GATB: variants seen among roughly 807,000 people sequenced by gnomAD.
GATB encodes the protein glutamyl-tRNA amidotransferase subunit B.
A neutral mutation model predicts 62.3 loss-of-function variants in GATB; 39 were observed. The ratio of observed to expected loss-of-function variants is 0.63; its 90% CI spans 0.48 to 0.82. The LOEUF (loss-of-function observed/expected upper bound fraction) is 0.82, where lower values mean the gene tolerates loss of function less well. GATB is among the 40% of genes least tolerant of loss of function. The pLI is 0.00. For synonymous variants in GATB, 276 were observed against 258.9 expected, an observed-to-expected ratio of 1.07 and a Z score of -0.63; for missense variants, 670 against 684.0, an observed-to-expected ratio of 0.98 and a Z score of 0.23.
intron 9 of GATB, among the ~76,000 whole-genome samples, chr4:151,696,435 A>G (rs555702891): frequency 1.7e-3 from 262 of 152,356 alleles, no homozygotes; most frequent in Non-Finnish European, 2.8e-3. Context: ...GTGACTCCAA[A>G]CATCAATTAA....
chr4:151,758,696 A>C, intron 2 of GATB, 76 bp downstream of exon 2: 1 of 1,215,870 alleles, frequency 8.2e-7, no homozygotes, highest in Non-Finnish European at 1.1e-6. Flanking sequence ...TATTATTAAA[A>C]CAAGAAAATA....
rs1327273727 is a variant in GATB at position 151,730,374 on chromosome 4, T to A, written c.328-10836A>T. 1.3e-5 allele frequency among the ~76,000 whole-genome samples: 2 copies of A among 152,178 alleles called. No homozygotes were observed. Among genetic ancestry groups the A allele is most frequent in the Non-Finnish European group, 2.9e-5 (2 of 68,028 alleles). On this transcript the variant is annotated intron_variant, in intron 2 of 12. Coordinates refer to ENST00000263985, the MANE Select transcript of GATB (RefSeq NM_004564.3). This position sits in a 1 kb window ranked among gnomAD's most constrained non-coding sequence, Gnocchi z 4.1. ...ACAGAAGACGAAGGACATACAATCT[T>A]GGGAGTTCTAGGGCCCCGCCCACCA...
intron 2 of GATB, among the ~76,000 whole-genome samples, chr4:151,728,734 A>G (rs1329798909): frequency 6.6e-6 from 1 of 152,224 alleles, no homozygotes; most frequent in African/African-American, 2.4e-5. Context: ...CATTAATTTC[A>G]TGACTGAAAA....
chr4:151,727,035 G>A lies in GATB; in HGVS notation c.328-7497C>T, dbSNP rs1189261865. 3.9e-5 allele frequency among the ~76,000 whole-genome samples: 6 copies of A among 152,166 alleles called. No individual in the cohort carries two copies. The South Asian group carries it at 6.2e-4, about 16-fold the overall frequency. On this transcript the variant is annotated intron_variant, in intron 2 of 12. Coordinates refer to ENST00000263985, the MANE Select transcript of GATB (RefSeq NM_004564.3). ...AGGCTCAGGGGATACTCCCACTTTCGCCTCCCGAATAGCTGGGACCACAGG... is the reference window on the plus strand; with the variant it reads ...AGGCTCAGGGGATACTCCCACTTTCACCTCCCGAATAGCTGGGACCACAGG...
chr4:151,732,142 TG>T (rs1244203841), intron 2 of GATB, among the ~76,000 whole-genome samples: 1 of 148,778 alleles, frequency 6.7e-6, no homozygotes, highest in South Asian at 2.2e-4. Flanking sequence ...GTCCAGGAGG[TG>T]GGGGGCGCCT....
rs1553967155 is a variant in GATB at position 151,697,967 on chromosome 4, A to ATGTGTG, written c.1197+3361_1197+3362insCACACA. 2.1e-4 allele frequency among the ~76,000 whole-genome samples: 21 copies of ATGTGTG among 101,792 alleles called. 1 individual carries two copies. The highest frequency in any genetic ancestry group is 8.3e-4 in the South Asian group (2 of 2,402). The allele number at this position is 101,792 out of a possible 152,430, so 66.8% of individuals were successfully genotyped here. A position where few individuals can be genotyped will look rare whatever the true frequency, so the allele number is the denominator to read the frequency against. ...TGTGTGTGTGTGTATATATATATAT[A>ATGTGTG]TATATATATATATATATATATATAT... On this transcript the variant is annotated intron_variant, in intron 9 of 12. Transcript: ENST00000263985.
rs369407810 is a variant in GATB, at chr4:151,701,292, T to C, written c.1197+37A>G. On this transcript the variant is annotated intron_variant, in intron 9 of 12. Transcript: ENST00000263985. ...CTCTGAAGGGCACTGCCCCATCTGCTGAGCCGGGATCCTCTTGGCATCCGA... is the reference window on the plus strand; with the variant it reads ...CTCTGAAGGGCACTGCCCCATCTGCCGAGCCGGGATCCTCTTGGCATCCGA... 2.5e-5 allele frequency: 37 copies of C among 1,473,034 alleles called. No homozygotes were observed. In the African/African-American group the frequency reaches 5.1e-4, roughly 20 times the overall value. 91.2% of individuals were successfully genotyped at this position (1,473,034 alleles called of 1,614,324 possible). A position where few individuals can be genotyped will look rare whatever the true frequency, so the allele number is the denominator to read the frequency against.
At chr4:151,754,537 C>T (rs903035447) in intron 2 of GATB, among the ~76,000 whole-genome samples, 4 of 152,164 alleles carry the variant, frequency 2.6e-5, no homozygotes, top group African/African-American at 9.7e-5. Context: ...GCTAGCATAA[C>T]GTGGGCATCC....
chr4:151,749,843 C>T (rs1397398977), intron 2 of GATB, among the ~76,000 whole-genome samples: 1 of 151,872 alleles, frequency 6.6e-6, no homozygotes, highest in Non-Finnish European at 1.5e-5. Context: ...TCAACAATTC[C>T]CTCCCCCTTA....
At chr4:151,716,212 A>G (rs1358525552) in intron 4 of GATB, 81 bp from the exon 5 acceptor site, 4 of 1,480,272 alleles carry the variant, frequency 2.7e-6, no homozygotes, top group Non-Finnish European at 3.6e-6. Flanking sequence ...TTTCAGGAAA[A>G]CCCTGCCTTA....
intron 2 of GATB, among the ~76,000 whole-genome samples, chr4:151,734,987 T>C (rs1254702046): frequency 6.6e-6 from 1 of 152,048 alleles, no homozygotes; most frequent in African/African-American, 2.4e-5. Context: ...TTCTAGAAGA[T>C]AACATTTGAA....
rs541893668 is a variant in GATB at position 151,742,479 on chromosome 4, C to A, written c.327+16293G>T. ...CATTCTGAGTCACCCATATTCACAG[C>A]CTTTGTTTCATCCCCTCCCTTCTAT... On this transcript the variant is annotated intron_variant, in intron 2 of 12. Transcript: ENST00000263985. Among the ~76,000 whole-genome samples, 12 of 152,274 alleles carry A rather than the reference C, an allele frequency of 7.9e-5. No individual in the cohort carries two copies. The East Asian group carries it at 1.9e-3, about 24-fold the overall frequency.
At chr4:151,697,689 G>T (rs1665819950) in intron 9 of GATB, among the ~76,000 whole-genome samples, 1 of 148,148 alleles carries the variant, frequency 6.8e-6, no homozygotes, top group Non-Finnish European at 1.5e-5. Flanking sequence ...ATATAGAAAA[G>T]CTAACATTGC....
intron 5 of GATB, among the ~76,000 whole-genome samples, chr4:151,711,680 G>A (rs1738820556): frequency 6.6e-6 from 1 of 152,178 alleles, no homozygotes; most frequent in Non-Finnish European, 1.5e-5. Flanking sequence ...GGCATTTGTT[G>A]CTGTAATTAG....
intron 9 of GATB, among the ~76,000 whole-genome samples, chr4:151,697,969 A>ATATATATATATGTG (rs1738518049): frequency 2.9e-5 from 3 of 102,476 alleles, no homozygotes; most frequent in African/African-American, 1.5e-4. Flanking sequence ...ATATATATAT[A>ATATATATATATGTG]TATATATATA....
At chr4:151,676,343 G>A (rs1392328586) in intron 11 of GATB, 2 of 152,344 alleles carry the variant, frequency 1.3e-5, no homozygotes, top group African/African-American at 4.8e-5. Context: ...TGTTAAACGC[G>A]ATTTCCATCT....
intron 2 of GATB, among the ~76,000 whole-genome samples, chr4:151,731,966 G>T (rs1319022051): frequency 8.8e-6 from 1 of 113,704 alleles, no homozygotes; most frequent in Non-Finnish European, 1.9e-5. Flanking sequence ...GAAGTGGGGG[G>T]TCAGCCCCTG....
At chr4:151,718,915 T>TG (rs1195575418) in intron 3 of GATB, among the ~76,000 whole-genome samples, 4 of 152,248 alleles carry the variant, frequency 2.6e-5, no homozygotes, top group Admixed American at 6.5e-5. Flanking sequence ...TTACTGTTCT[T>TG]GGTCCAGATT....
rs1578889836 is a variant in GATB at position 151,672,646 on chromosome 4, A to C, written c.1545+116T>G. ...GATGACAGTGAGGGAATTATTGATG[A>C]AACTGGGTCAGCCATTCTTAGGAAG... is the stretch of plus-strand genomic sequence containing the variant. On this transcript the variant is annotated intron_variant, in intron 12 of 12. Coordinates refer to ENST00000263985, the MANE Select transcript of GATB (RefSeq NM_004564.3). The C allele has an allele frequency of 2.8e-6, 3 of 1,066,708 alleles. No homozygotes were observed. The East Asian group carries it at 7.4e-5, about 26-fold the overall frequency. The allele number at this position is 1,066,708 out of a possible 1,614,324, so 66.1% of individuals were successfully genotyped here. A position where few individuals can be genotyped will look rare whatever the true frequency, so the allele number is the denominator to read the frequency against.
Sources: allele counts gnomAD v4.1 joint callset (sites outside exome capture counted in the v4.1 genomes callset), GRCh38; gene constraint gnomAD v4.1.1; non-coding constraint Gnocchi (gnomAD v3.1); transcripts MANE v1.5; gene names NCBI Gene and HGNC (gene_info 2026-07-23, HGNC 2026-07-21).